Variants in NRG3 observed in about 807,000 individuals in gnomAD.
NRG3 encodes pro-neuregulin-3, membrane-bound isoform.
In NRG3, 31 loss-of-function variants were observed where a neutral mutation model predicts 66.9. The observed-to-expected ratio is 0.46, with a 90% confidence interval of 0.35 to 0.63. NRG3 has a LOEUF of 0.63. Ranked by LOEUF, NRG3 falls within the 20% of genes least tolerant of loss-of-function variation. The pLI, the probability that NRG3 is intolerant of heterozygous loss-of-function variation, is 0.00. For synonymous variants in NRG3, 393 were observed against 359.4 expected (o/e 1.09, Z -1.06); for missense variants, 910 against 878.9 (o/e 1.04, Z -0.45).
intron 1 of NRG3, among the ~76,000 whole-genome samples, chr10:81,911,197 G>A (rs1051688454): frequency 2.6e-5 from 4 of 152,064 alleles, no homozygotes; most frequent in African/African-American, 7.2e-5. Context: ...GAGGTATTTC[G>A]GCATTTGGCC....
At chr10:82,815,819 G>C (rs1245905353) in intron 3 of NRG3, among the ~76,000 whole-genome samples, 1 of 152,170 alleles carries the variant, frequency 6.6e-6, no homozygotes, top group East Asian at 1.9e-4. Flanking sequence ...CTAAGGGTGA[G>C]CCAGGGGTGC....
chr10:82,959,812 G>C (rs1036110117), intron 6 of NRG3, among the ~76,000 whole-genome samples: 1 of 152,130 alleles, frequency 6.6e-6, no homozygotes, highest in African/African-American at 2.4e-5. Context: ...CAAACTCTTT[G>C]CCTCTTACAC....
intron 1 of NRG3, among the ~76,000 whole-genome samples, chr10:82,150,530 C>CAAAAAAAAAAAAAAA (rs1188955647): frequency 7.5e-5 from 2 of 26,686 alleles, no homozygotes; most frequent in Non-Finnish European, 7.4e-5. Flanking sequence ...AGAGCACACA[C>CAAAAAAAAAAAAAAA]AAAAAAAAAA....
chr10:81,997,181 G>T (rs2133630197), intron 1 of NRG3, among the ~76,000 whole-genome samples: 1 of 152,308 alleles, frequency 6.6e-6, no homozygotes. Context: ...GCACATGGAA[G>T]CTCTTTAGGC....
chr10:82,893,611 C>G (rs148195490), intron 4 of NRG3, among the ~76,000 whole-genome samples: 1 of 152,022 alleles, frequency 6.6e-6, no homozygotes, highest in African/African-American at 2.4e-5. Context: ...TCATTTGAAC[C>G]AGGGAGTAGG....
In NRG3 at chr10:82,930,142, C is replaced by T. The variant is rs144418927; in HGVS notation, c.1055-21327C>T. On this transcript the variant is annotated intron_variant, in intron 4 of 8. Transcript: ENST00000372141. ...AAGGTAATAACATGTGTGAGTAGCA[C>T]GAGGCATTAAAAGAAAGAAGAGAGA... is the stretch of plus-strand genomic sequence containing the variant. Among the ~76,000 whole-genome samples, 1,373 of 152,132 alleles carry T rather than the reference C, an allele frequency of 9.0e-3. 9 individuals carry two copies. Among genetic ancestry groups the T allele is most frequent in the Non-Finnish European group, 0.014 (983 of 67,992 alleles).
intron 1 of NRG3, among the ~76,000 whole-genome samples, chr10:82,321,301 T>TAGGG (rs1554884193): frequency 7.2e-6 from 1 of 137,950 alleles, no homozygotes; most frequent in African/African-American, 2.9e-5. Flanking sequence ...GTGGCAGGGG[T>TAGGG]GGGGGTGGGG....
intron 2 of NRG3, among the ~76,000 whole-genome samples, chr10:82,482,701 C>T (rs986518974): frequency 1.3e-5 from 2 of 152,134 alleles, no homozygotes; most frequent in Admixed American, 6.5e-5. Flanking sequence ...TTATAACCAG[C>T]TATCTTGATG....
At chr10:81,943,424 A>G (rs1848567350) in intron 1 of NRG3, among the ~76,000 whole-genome samples, 1 of 152,160 alleles carries the variant, frequency 6.6e-6, no homozygotes, top group South Asian at 2.1e-4. Context: ...CATCTTTAAC[A>G]ATTCAGGCTT....
At chr10:82,742,867 TGTCA>T (rs1369029496) in intron 3 of NRG3, among the ~76,000 whole-genome samples, 4 of 152,114 alleles carry the variant, frequency 2.6e-5, no homozygotes, top group Non-Finnish European at 5.9e-5. Flanking sequence ...CTGAACTATG[TGTCA>T]GTCAGAACTG....
intron 2 of NRG3, among the ~76,000 whole-genome samples, chr10:82,565,738 G>C (rs937939133): frequency 2.6e-5 from 4 of 151,974 alleles, no homozygotes; most frequent in African/African-American, 9.7e-5. Context: ...GGTTTGGGCC[G>C]TATTAAATTT....
chr10:82,941,043 A>G lies in NRG3; in HGVS notation c.1055-10426A>G, dbSNP rs1386860978. Among the ~76,000 whole-genome samples the G allele has an allele frequency of 2.6e-5, 4 of 152,152 alleles. No homozygotes were observed. In the South Asian group the frequency reaches 8.3e-4, roughly 32 times the overall value. ...AGGGAAGGTGCTTCTAGCCTGAATAACACAGTGTAAAAGACATGGAGCCTT... is the reference window on the plus strand; with the variant it reads ...AGGGAAGGTGCTTCTAGCCTGAATAGCACAGTGTAAAAGACATGGAGCCTT... On this transcript the variant is annotated intron_variant, in intron 4 of 8. Coordinates refer to ENST00000372141, the MANE Select transcript of NRG3 (RefSeq NM_001010848.4).
At chr10:82,687,217 G>A (rs1052821479) in intron 2 of NRG3, among the ~76,000 whole-genome samples, 8 of 152,166 alleles carry the variant, frequency 5.3e-5, no homozygotes, top group African/African-American at 1.4e-4. Flanking sequence ...GGTTCATGTT[G>A]AGTTGAACCA....
Position 82,500,950 on chromosome 10 carries a change from A to G in NRG3, c.953+142082A>G, listed in dbSNP as rs550009211. 4.6e-5 allele frequency among the ~76,000 whole-genome samples: 7 copies of G among 152,314 alleles called. No homozygotes were observed. In the South Asian group the frequency reaches 1.4e-3, roughly 32 times the overall value. Reference sequence around the variant, plus strand: ...AGGATGGAGTATGATTTAGATTTATAGGTAGACAATTGGGGGTATAATGTC... The same window carrying G: ...AGGATGGAGTATGATTTAGATTTATGGGTAGACAATTGGGGGTATAATGTC... On this transcript the variant is annotated intron_variant, in intron 2 of 8. Coordinates refer to ENST00000372141, the MANE Select transcript of NRG3 (RefSeq NM_001010848.4).
intron 2 of NRG3, among the ~76,000 whole-genome samples, chr10:82,455,506 G>C (rs571245118): frequency 6.6e-6 from 1 of 152,156 alleles, no homozygotes; most frequent in African/African-American, 2.4e-5. Context: ...TGAAGGCCTG[G>C]AAGTTGCTGT....
intron 1 of NRG3, among the ~76,000 whole-genome samples, chr10:82,072,716 A>G (rs1436686699): frequency 6.7e-6 from 1 of 149,792 alleles, no homozygotes; most frequent in African/African-American, 2.5e-5. Context: ...TCATTATTTT[A>G]TGTCTTTTCT....
At chr10:82,620,171 G>A (rs994393090) in intron 2 of NRG3, among the ~76,000 whole-genome samples, 3 of 152,160 alleles carry the variant, frequency 2.0e-5, no homozygotes, top group Admixed American at 6.5e-5. Flanking sequence ...TAGCTCCACC[G>A]TCTGTGGACA....
chr10:82,913,151 G>T (rs184707937), intron 4 of NRG3, among the ~76,000 whole-genome samples: 1 of 152,106 alleles, frequency 6.6e-6, no homozygotes, highest in Non-Finnish European at 1.5e-5. Flanking sequence ...CTTGAACCTG[G>T]GAGGCAGAGC....
intron 2 of NRG3, among the ~76,000 whole-genome samples, chr10:82,548,759 AAATT>A (rs112668782): frequency 0.068 from 10,317 of 151,898 alleles, 661 homozygotes; most frequent in African/African-American, 0.17. Flanking sequence ...AAACATAAAT[AAATT>A]AATTAATTAA....
Sources: allele counts gnomAD v4.1 joint callset (sites outside exome capture counted in the v4.1 genomes callset), GRCh38; gene constraint gnomAD v4.1.1; transcripts MANE v1.5; gene names NCBI Gene and HGNC (gene_info 2026-07-23, HGNC 2026-07-21).